DNTT: variants seen among roughly 807,000 people sequenced by gnomAD.
DNTT encodes nucleosidetriphosphate:DNA deoxynucleotidylexotransferase.
A neutral mutation model predicts 60.9 loss-of-function variants in DNTT; 47 were observed. That is an observed-to-expected ratio of 0.77 (90% CI 0.61 to 0.98). The LOEUF (loss-of-function observed/expected upper bound fraction) is 0.98. Among genes scored for constraint, DNTT ranks in the 50% least tolerant of loss-of-function variants. The pLI, the probability that DNTT is intolerant of heterozygous loss-of-function variation, is 0.00. For synonymous variants in DNTT, 224 were observed against 221.2 expected (o/e 1.01, Z -0.11); for missense variants, 665 against 627.5 (o/e 1.06, Z -0.64).
At chr10:96,315,342 A>T (rs1267323163) in intron 1 of DNTT, among the ~76,000 whole-genome samples, 1 of 152,032 alleles carries the variant, frequency 6.6e-6, no homozygotes, top group African/African-American at 2.4e-5. Flanking sequence ...GTTGGGAACT[A>T]GTGGCAACCA....
Position 96,314,547 on chromosome 10 carries a change from G to A in DNTT, c.204-3805G>A, listed in dbSNP as rs1286214647. ...TCTGCCTCAGCCTCCCGAGTAGCTGGGACTACAGGCGCGTTCCACCACGCC... is the reference window on the plus strand; with the variant it reads ...TCTGCCTCAGCCTCCCGAGTAGCTGAGACTACAGGCGCGTTCCACCACGCC... On this transcript the variant is annotated intron_variant, in intron 1 of 10. Transcript: ENST00000371174. Among the ~76,000 whole-genome samples the A allele has an allele frequency of 2.0e-5, 3 of 151,216 alleles. No homozygotes were observed. In the East Asian group the frequency reaches 5.8e-4, roughly 29 times the overall value.
At chr10:96,318,594 C>A in intron 2 of DNTT, 68 bp downstream of exon 2, 1 of 1,549,308 alleles carries the variant, frequency 6.5e-7, no homozygotes, top group South Asian at 1.3e-5. Context: ...TTAGGATCAA[C>A]GGAGCTGGGG....
Position 96,332,513 on chromosome 10 carries a change from A to C in DNTT, c.1276A>C (p.Thr426Pro). The C allele has an allele frequency of 6.2e-7, 1 of 1,614,200 alleles. No homozygotes were observed. The highest frequency in any genetic ancestry group is 8.5e-7 in the Non-Finnish European group (1 of 1,180,030). Residue 426 changes from threonine (T) to proline (P), a missense_variant, in exon 9 of 11, where the codon ACC becomes CCC. Physicochemically the swap from Thr to Pro is conservative, Grantham distance 38. Coordinates refer to ENST00000371174, the MANE Select transcript of DNTT (RefSeq NM_004088.4). ...CCAGTCCAGCTGGCAGGAAGGAAAG[A>C]CCTGGAAGGCCATCCGTGTGGATTT... ...SDQSSWQEGK[T>P]WKAIRVDLVL...
At chr10:96,332,997 T>C (rs1172122793) in intron 9 of DNTT, among the ~76,000 whole-genome samples, 2 of 152,022 alleles carry the variant, frequency 1.3e-5, no homozygotes, top group Non-Finnish European at 2.9e-5. Flanking sequence ...AGCAAGGGGA[T>C]TGAAATAGGA....
At position 96,318,519 on chromosome 10, in the gene DNTT, AG is replaced by A. The variant is rs772740244; in HGVS notation, c.372del (p.Gln124HisfsTer4). 3.7e-5 allele frequency: 59 copies of A among 1,613,172 alleles called. No homozygotes were observed. The highest frequency in any genetic ancestry group is 4.7e-5 in the Non-Finnish European group (56 of 1,179,528). ...CCGGTGGAAATGACAGGAAAACACCAGCTTGTTGTAAGTGTCATGGGTGTGA... is the reference window on the plus strand; with the variant it reads ...CCGGTGGAAATGACAGGAAAACACCACTTGTTGTAAGTGTCATGGGTGTGA... ...GKPVEMTGKH[Q>X]LVVRRDYSDS... On this transcript the variant is annotated frameshift_variant, in exon 2 of 11. Coordinates refer to ENST00000371174, the MANE Select transcript of DNTT (RefSeq NM_004088.4). LOFTEE classifies it high-confidence loss of function.
At position 96,324,285 on chromosome 10, in the gene DNTT, G is replaced by C. The variant is rs1298879308; in HGVS notation, c.770G>C (p.Gly257Ala). The change falls in exon 6 of 11, where the codon GGA becomes GCA. Residue 257 changes from glycine (G) to alanine (A), a missense_variant. By Grantham distance (60) the Gly-to-Ala change is moderately conservative. Coordinates refer to ENST00000371174, the MANE Select transcript of DNTT (RefSeq NM_004088.4). Reference sequence around the variant, plus strand: ...TTTTAGCTCTTTACTTCTGTATTTGGAGTGGGGCTGAAGACTTCTGAGAAG... The same window carrying C: ...TTTTAGCTCTTTACTTCTGTATTTGCAGTGGGGCTGAAGACTTCTGAGAAG... ...QSFKLFTSVF[G>A]VGLKTSEKWF... The C allele has an allele frequency of 1.2e-6, 2 of 1,613,544 alleles. No individual in the cohort carries two copies. The highest frequency in any genetic ancestry group is 4.5e-5 in the East Asian group (2 of 44,886).
At chr10:96,333,282 C>A (rs957194833) in intron 9 of DNTT, among the ~76,000 whole-genome samples, 1 of 152,158 alleles carries the variant, frequency 6.6e-6, no homozygotes, top group African/African-American at 2.4e-5. Flanking sequence ...ATCTCACATC[C>A]GTCAGATTGG....
At chr10:96,337,421 G>T (rs1845085980) in intron 10 of DNTT, among the ~76,000 whole-genome samples, 1 of 152,248 alleles carries the variant, frequency 6.6e-6, no homozygotes, top group South Asian at 2.1e-4. Flanking sequence ...TCCAGGTGCT[G>T]CTCACAGAAG....
chr10:96,315,552 A>C (rs1218488358), intron 1 of DNTT, among the ~76,000 whole-genome samples: 1 of 152,078 alleles, frequency 6.6e-6, no homozygotes, highest in Non-Finnish European at 1.5e-5. Flanking sequence ...TAAGAAATGC[A>C]TATGGTTCTC....
chr10:96,317,179 G>T (rs1444862704), intron 1 of DNTT, among the ~76,000 whole-genome samples: 1 of 152,156 alleles, frequency 6.6e-6, no homozygotes, highest in Non-Finnish European at 1.5e-5. Context: ...TTAAAAACTA[G>T]AAATAACATA....
At chr10:96,325,582 T>A (rs1844930407) in intron 6 of DNTT, among the ~76,000 whole-genome samples, 1 of 152,196 alleles carries the variant, frequency 6.6e-6, no homozygotes, top group Admixed American at 6.5e-5. Context: ...TAAACTGGAT[T>A]TTTGTTCTTC....
At chr10:96,307,729 A>C (rs1419375331) in intron 1 of DNTT, among the ~76,000 whole-genome samples, 1 of 137,208 alleles carries the variant, frequency 7.3e-6, no homozygotes, top group South Asian at 2.3e-4. Context: ...ATATATATAT[A>C]TATAAGCATA....
At chr10:96,313,619 T>C (rs952085819) in intron 1 of DNTT, among the ~76,000 whole-genome samples, 1 of 152,200 alleles carries the variant, frequency 6.6e-6, no homozygotes, top group Admixed American at 6.5e-5. Flanking sequence ...GCTAGGCTGT[T>C]GTGAGGATTA....
intron 8 of DNTT, among the ~76,000 whole-genome samples, chr10:96,330,475 G>A (rs1844993851): frequency 6.6e-6 from 1 of 152,172 alleles, no homozygotes; most frequent in Non-Finnish European, 1.5e-5. Context: ...TCCTTAAAAA[G>A]TGGAATTGTA....
chr10:96,307,778 T>TATATA (rs1316738831), intron 1 of DNTT, among the ~76,000 whole-genome samples: 1 of 65,612 alleles, frequency 1.5e-5, no homozygotes, highest in African/African-American at 6.2e-5. Flanking sequence ...TATATATATA[T>TATATA]TTTTTTTTTT....
rs762083913 is a variant in DNTT at position 96,318,390 on chromosome 10, G to A, written c.242G>A (p.Gly81Asp). 2 of 1,613,476 alleles carry A rather than the reference G, an allele frequency of 1.2e-6. No homozygotes were observed. Among genetic ancestry groups the A allele is most frequent in the South Asian group, 2.2e-5 (2 of 90,936 alleles). ...VTHIVAENNS[G>D]SDVLEWLQAQ... is the part of the protein sequence containing the mutation. Reference sequence around the variant, plus strand: ...CACATCGTAGCAGAGAACAACTCGGGTTCGGATGTTCTGGAGTGGCTTCAA... The same window carrying A: ...CACATCGTAGCAGAGAACAACTCGGATTCGGATGTTCTGGAGTGGCTTCAA... Residue 81 changes from glycine (G) to aspartate (D), a missense_variant, in exon 2 of 11, where the codon GGT becomes GAT. Physicochemically the swap from Gly to Asp is moderately conservative, Grantham distance 94. Transcript: ENST00000371174.
intron 6 of DNTT, among the ~76,000 whole-genome samples, chr10:96,325,020 C>T (rs1003599813): frequency 1.3e-5 from 2 of 152,196 alleles, no homozygotes; most frequent in African/African-American, 4.8e-5. Context: ...GTGCTGTCAT[C>T]ACCCACCTGA....
At chr10:96,308,728 AG>A (rs1294947295) in intron 1 of DNTT, among the ~76,000 whole-genome samples, 1 of 152,154 alleles carries the variant, frequency 6.6e-6, no homozygotes, top group African/African-American at 2.4e-5. Context: ...TAGTTCTTAC[AG>A]GTTTTGGGAT....
At chr10:96,329,382 GA>G (rs1424653183) in intron 8 of DNTT, among the ~76,000 whole-genome samples, 1 of 152,228 alleles carries the variant, frequency 6.6e-6, no homozygotes, top group Non-Finnish European at 1.5e-5. Context: ...CCTGGTGGAG[GA>G]AACCAAAGTA....
Sources: gnomAD v4.1 joint callset for allele counts (sites outside exome capture counted in the v4.1 genomes callset) on GRCh38, gnomAD v4.1.1 for gene constraint, MANE v1.5 for transcripts, NCBI Gene and HGNC (gene_info 2026-07-23, HGNC 2026-07-21) for gene names.